The following LARP1B variants were observed in gnomAD, a reference collection of about 807,000 sequenced individuals.
LARP1B encodes La ribonucleoprotein 1B.
Under a neutral mutation model 114.2 loss-of-function variants are expected in LARP1B, and 76 were observed. That is an observed-to-expected ratio of 0.67 (90% confidence interval 0.55 to 0.81). The LOEUF is 0.81. Ranked by LOEUF, LARP1B falls within the 30% of genes least tolerant of loss-of-function variation. The pLI, the probability that LARP1B is intolerant of heterozygous loss-of-function variation, is 0.00. For synonymous variants in LARP1B, 345 were observed against 348.0 expected, an observed-to-expected ratio of 0.99 and a Z score of 0.10; for missense variants, 1,014 against 1,075.8, an observed-to-expected ratio of 0.94 and a Z score of 0.80.
At chr4:128,199,125 T>C (rs537402056) in intron 15 of LARP1B, among the ~76,000 whole-genome samples, 3 of 152,328 alleles carry the variant, frequency 2.0e-5, no homozygotes, top group East Asian at 1.9e-4. Context: ...TTCCACATAA[T>C]AAAAAACTAA....
intron 1 of LARP1B, among the ~76,000 whole-genome samples, chr4:128,070,728 C>G (rs1466621496): frequency 1.3e-5 from 2 of 151,620 alleles, no homozygotes; most frequent in Admixed American, 6.6e-5. Flanking sequence ...CTCTGGGAGA[C>G]CAAGGTGACC....
intron 19 of LARP1B, among the ~76,000 whole-genome samples, chr4:128,208,286 C>G (rs376004085): frequency 6.7e-6 from 1 of 149,788 alleles, no homozygotes; most frequent in African/African-American, 2.5e-5. Flanking sequence ...AGAGATTGTG[C>G]CACTGCACTC....
chr4:128,133,814 A>T (rs1284417917), intron 11 of LARP1B, among the ~76,000 whole-genome samples: 1 of 152,078 alleles, frequency 6.6e-6, no homozygotes, highest in Non-Finnish European at 1.5e-5. Context: ...CTCCTGCCTC[A>T]GCCTCTCGAG....
chr4:128,092,762 C>T, intron 7 of LARP1B: 1 of 985,380 alleles, frequency 1.0e-6, no homozygotes, highest in Non-Finnish European at 1.2e-6. Flanking sequence ...ATTGTTCTTG[C>T]TTCTTTTGTT....
intron 4 of LARP1B, among the ~76,000 whole-genome samples, chr4:128,081,378 C>CTTTTTTTTTTTTTTTT (rs35763535): frequency 9.0e-6 from 1 of 110,692 alleles, no homozygotes. Flanking sequence ...TGCGCCCGGC[C>CTTTTTTTTTTTTTTTT]TTTTTTTTTT....
intron 10 of LARP1B, among the ~76,000 whole-genome samples, chr4:128,120,803 AT>A (rs56253884): frequency 0.043 from 5,491 of 128,688 alleles, 257 homozygotes; most frequent in African/African-American, 0.14. Context: ...GGGGTAGACA[AT>A]TTTTTTTTTT....
At chr4:128,220,504 C>T in intron 7 of LARP1B, 1 of 193,818 alleles carries the variant, frequency 5.2e-6, no homozygotes, top group Non-Finnish European at 9.4e-6. Context: ...ATAATTATAT[C>T]AATTACTCTT....
chr4:128,206,182 C>T (rs1207173319), intron 17 of LARP1B, among the ~76,000 whole-genome samples: 1 of 152,100 alleles, frequency 6.6e-6, no homozygotes, highest in African/African-American at 2.4e-5. Context: ...ATCCCAGCTA[C>T]TCGGGAGGCT....
chr4:128,117,547 A>G (rs1328780667), intron 10 of LARP1B, among the ~76,000 whole-genome samples: 1 of 151,894 alleles, frequency 6.6e-6, no homozygotes, highest in African/African-American at 2.4e-5. Context: ...CACCACACCC[A>G]GCTAATTTTT....
At position 128,122,415 on chromosome 4, in the gene LARP1B, A is replaced by G; in HGVS notation, c.1524+227A>G. The G allele has an allele frequency of 3.4e-6, 5 of 1,479,548 alleles. No homozygotes were observed. In the South Asian group the frequency reaches 5.2e-5, roughly 15 times the overall value. The allele number at this position is 1,479,548 out of a possible 1,614,324, so 91.7% of individuals were successfully genotyped here. ...AATACTGTAATTACAAAAGAAAATT[A>G]GTACTCACTGACTTATACCCTTGTT... On this transcript the variant is annotated intron_variant, in intron 11 of 19. Coordinates refer to ENST00000326639, the MANE Select transcript of LARP1B (RefSeq NM_018078.4).
At chr4:128,219,231 G>A (rs1381027462) in intron 6 of LARP1B, among the ~76,000 whole-genome samples, 3 of 143,984 alleles carry the variant, frequency 2.1e-5, no homozygotes, top group Non-Finnish European at 4.6e-5. Context: ...GTGGAAGTCA[G>A]TGTGGCAATT....
chr4:128,134,907 C>T (rs1315907633), intron 11 of LARP1B, among the ~76,000 whole-genome samples: 3 of 152,008 alleles, frequency 2.0e-5, no homozygotes, highest in Middle Eastern at 3.2e-3. Context: ...GAGTTTAAGA[C>T]CAGCCTGGCC....
At chr4:128,173,272 T>A (rs1401428772) in intron 12 of LARP1B, among the ~76,000 whole-genome samples, 1 of 152,130 alleles carries the variant, frequency 6.6e-6, no homozygotes, top group Admixed American at 6.6e-5. Context: ...CCTCTCGCTG[T>A]TTTTATGCTA....
At chr4:128,112,807 C>CT (rs934672848) in intron 9 of LARP1B, among the ~76,000 whole-genome samples, 12 of 152,170 alleles carry the variant, frequency 7.9e-5, no homozygotes, top group African/African-American at 2.9e-4. Flanking sequence ...AGTTCTAGAG[C>CT]TTTTCCTGTT....
At chr4:128,203,533 C>T (rs1158592565) in intron 17 of LARP1B, among the ~76,000 whole-genome samples, 1 of 151,932 alleles carries the variant, frequency 6.6e-6, no homozygotes, top group African/African-American at 2.4e-5. Context: ...ACCACCACAC[C>T]CGGCTAATTT....
intron 5 of LARP1B, among the ~76,000 whole-genome samples, chr4:128,083,695 G>A (rs559318503): frequency 5.1e-5 from 7 of 136,422 alleles, no homozygotes; most frequent in South Asian, 2.7e-4. Flanking sequence ...CCTCCCTCCC[G>A]GACAGGGTGG....
At chr4:128,152,371 T>G (rs1365753643) in intron 11 of LARP1B, among the ~76,000 whole-genome samples, 1 of 151,698 alleles carries the variant, frequency 6.6e-6, no homozygotes, top group East Asian at 1.9e-4. Flanking sequence ...GCCCAGCTAA[T>G]TTTTGTATTT....
At chr4:128,177,513 G>A (rs56292107) in intron 13 of LARP1B, among the ~76,000 whole-genome samples, 1,755 of 151,446 alleles carry the variant, frequency 0.012, 33 homozygotes, top group African/African-American at 0.039. Flanking sequence ...TAAAATAACC[G>A]AATAAAAAAA....
intron 12 of LARP1B, among the ~76,000 whole-genome samples, chr4:128,174,309 A>G (rs1210400098): frequency 9.5e-5 from 13 of 136,450 alleles, no homozygotes; most frequent in Non-Finnish European, 1.9e-4. Context: ...TGTAGTTGAC[A>G]AAAAATGTTA....
Sources: gnomAD v4.1 joint callset for allele counts (sites outside exome capture counted in the v4.1 genomes callset) on GRCh38, gnomAD v4.1.1 for gene constraint, MANE v1.5 for transcripts, NCBI Gene and HGNC (gene_info 2026-07-23, HGNC 2026-07-21) for gene names.